The following PEAK1 variants were observed in gnomAD, a reference collection of about 807,000 sequenced individuals.
PEAK1 encodes the protein pseudopodium enriched atypical kinase 1.
A neutral mutation model predicts 124.7 loss-of-function variants in PEAK1; 54 were observed. That is an observed-to-expected ratio of 0.43 (90% CI 0.35 to 0.54). The LOEUF (loss-of-function observed/expected upper bound fraction) is 0.54, where lower values mean the gene tolerates loss of function less well. Among genes scored for constraint, PEAK1 ranks in the 20% least tolerant of loss-of-function variants. The pLI, the probability that PEAK1 is intolerant of heterozygous loss-of-function variation, is 0.01. For missense variants in PEAK1, 2,046 were observed against 2,134.5 expected, an observed-to-expected ratio of 0.96 and a Z score of 0.82; for synonymous variants, 719 against 760.0, an observed-to-expected ratio of 0.95 and a Z score of 0.89.
At chr15:77,398,408 C>G (rs1011048298) in intron 1 of PEAK1, among the ~76,000 whole-genome samples, 1 of 152,086 alleles carries the variant, frequency 6.6e-6, no homozygotes, top group South Asian at 2.1e-4. Flanking sequence ...TTAAAAAGAC[C>G]ATTCATCATG....
intron 6 of PEAK1, among the ~76,000 whole-genome samples, chr15:77,226,055 ATATAT>A (rs1271186160): frequency 8.1e-5 from 2 of 24,596 alleles, no homozygotes; most frequent in East Asian, 1.0e-3. Flanking sequence ...ATATATATAT[ATATAT>A]ATATATATAT....
chr15:77,381,399 T>C lies in PEAK1; in HGVS notation c.-665-16174A>G, dbSNP rs533067230. ...CTGTGAATAGCCACTGCACTTCAGT[T>C]TGGGCAACATAGTGAGACCCTGTCT... On this transcript the variant is annotated intron_variant, in intron 1 of 9. Coordinates refer to ENST00000682557, the MANE Select transcript of PEAK1 (RefSeq NM_001385026.1). 35 of 861,948 alleles carry C rather than the reference T, an allele frequency of 4.1e-5. No individual in the cohort carries two copies. The South Asian group carries it at 1.6e-3, about 39-fold the overall frequency. 53.4% of individuals were successfully genotyped at this position (861,948 alleles called of 1,614,324 possible).
intron 2 of PEAK1, among the ~76,000 whole-genome samples, chr15:77,321,463 GAA>G (rs2065212215): frequency 6.6e-6 from 1 of 152,166 alleles, no homozygotes; most frequent in South Asian, 2.1e-4. Context: ...GTCTTCTTTT[GAA>G]AAGTGTCTGT....
At position 77,365,151 on chromosome 15, in the gene PEAK1, A is replaced by G. The variant is rs965455137; in HGVS notation, c.-603+12T>C. The G allele has an allele frequency of 7.5e-6, 7 of 934,538 alleles. No homozygotes were observed. Among genetic ancestry groups the G allele is most frequent in the Non-Finnish European group, 8.9e-6 (7 of 783,788 alleles). 57.9% of individuals were successfully genotyped at this position (934,538 alleles called of 1,614,324 possible). A position where few individuals can be genotyped will look rare whatever the true frequency, so the allele number is the denominator to read the frequency against. The stretch of plus-strand genomic sequence containing the variant: ...TATATTAAAAGGCAAATGAATTCAT[A>G]AATTATCTCACCTTTGGTTTTTAGA... On this transcript the variant is annotated intron_variant, in intron 2 of 9. Coordinates refer to ENST00000682557, the MANE Select transcript of PEAK1 (RefSeq NM_001385026.1).
chr15:77,383,057 C>G lies in PEAK1; in HGVS notation c.-665-17832G>C, dbSNP rs2069616235. On this transcript the variant is annotated intron_variant, in intron 1 of 9. Transcript: ENST00000682557. ...TTTTTTTTTGACACGAAGTCTTGCT[C>G]TATTGCCCAGGCTGGAGCGTAAGTG... Among the ~76,000 whole-genome samples, 3 of 129,622 alleles carry G rather than the reference C, an allele frequency of 2.3e-5. No individual in the cohort carries two copies. In the South Asian group the frequency reaches 7.5e-4, roughly 32 times the overall value. The allele number at this position is 129,622 out of a possible 152,430, so 85.0% of individuals were successfully genotyped here.
At chr15:77,140,738 CT>C (rs567817216) in intron 8 of PEAK1, among the ~76,000 whole-genome samples, 228 of 144,092 alleles carry the variant, frequency 1.6e-3, no homozygotes, top group Non-Finnish European at 1.4e-3. Flanking sequence ...TTCTTTGTGT[CT>C]TTTTTTTTTT....
At chr15:77,334,379 A>C in intron 2 of PEAK1, 1 of 985,338 alleles carries the variant, frequency 1.0e-6, no homozygotes, top group Non-Finnish European at 1.2e-6. Context: ...TTATTATTCC[A>C]GGAAGAAGAA....
downstream of PEAK1, chr15:77,104,036 C>T (rs1352435607): frequency 1.3e-5 from 2 of 152,368 alleles, no homozygotes; most frequent in African/African-American, 4.8e-5. Flanking sequence ...ACCCATAGGC[C>T]TGGGCCTATC....
At chr15:77,278,883 A>C in intron 5 of PEAK1, 1 of 270,584 alleles carries the variant, frequency 3.7e-6, no homozygotes. Context: ...CCCAGGCTGG[A>C]GTGCAATGGC....
At position 77,114,803 on chromosome 15, in the gene PEAK1, T is replaced by G. The variant is rs1376237720; in HGVS notation, c.4594A>C (p.Thr1532Pro). 1.2e-6 allele frequency: 2 copies of G among 1,612,632 alleles called. No homozygotes were observed. The highest frequency in any genetic ancestry group is 1.7e-6 in the Non-Finnish European group (2 of 1,179,876). ...LLLVHYQPGGTAQGFGPAEPS... is the reference protein window; with the variant it reads ...LLLVHYQPGGPAQGFGPAEPS... The stretch of plus-strand genomic sequence containing the variant: ...TCTGCAGGCCCAAAGCCTTGGGCAG[T>G]CCCCCCAGGCTGGTAGTGGACAAGT... Residue 1532 changes from threonine (T) to proline (P), a missense_variant, in exon 10 of 10, where the codon ACT becomes CCT. Thr to Pro is a conservative substitution (Grantham distance 38). Coordinates refer to ENST00000682557, the MANE Select transcript of PEAK1 (RefSeq NM_001385026.1).
chr15:77,188,787 T>C (rs763634080), intron 6 of PEAK1, among the ~76,000 whole-genome samples: 3 of 152,198 alleles, frequency 2.0e-5, no homozygotes, highest in Non-Finnish European at 2.9e-5. Context: ...TAAGTGTTTT[T>C]CCTCTCTATA....
At chr15:77,280,474 G>A (rs754306883) in intron 5 of PEAK1, among the ~76,000 whole-genome samples, 16 of 151,698 alleles carry the variant, frequency 1.1e-4, no homozygotes, top group Non-Finnish European at 1.3e-4. Flanking sequence ...TCTAGTCTTA[G>A]TTCTGTTACC....
At chr15:77,253,248 G>GGA (rs530500537) in intron 5 of PEAK1, among the ~76,000 whole-genome samples, 3 of 150,298 alleles carry the variant, frequency 2.0e-5, no homozygotes, top group African/African-American at 4.9e-5. Flanking sequence ...TATGCGTTGG[G>GGA]GGGGGGGTGG....
intron 2 of PEAK1, chr15:77,346,378 A>G (rs1428013176): frequency 2.7e-5 from 27 of 984,704 alleles, no homozygotes; most frequent in Non-Finnish European, 2.4e-6. Context: ...ATAATCCCAG[A>G]CAGAAAAATG....
At position 77,180,609 on chromosome 15, in the gene PEAK1, A is replaced by T; in HGVS notation, c.1318T>A (p.Ser440Thr). 1 of 1,614,090 alleles carries T rather than the reference A, an allele frequency of 6.2e-7. No homozygotes were observed. The highest frequency in any genetic ancestry group is 8.5e-7 in the Non-Finnish European group (1 of 1,180,008). ...VQTEKEESKASTDVAGQAVTI... is the reference protein window; with the variant it reads ...VQTEKEESKATTDVAGQAVTI... The stretch of plus-strand genomic sequence containing the variant: ...ACTGCTTGCCCAGCAACATCTGTAG[A>T]GGCTTTACTTTCTTCCTTCTCAGTT... Residue 440 changes from serine to threonine, a missense_variant, in exon 7 of 10, where the codon TCT becomes ACT. Ser to Thr is a moderately conservative substitution (Grantham distance 58). Transcript: ENST00000682557.
At chr15:77,163,911 T>A (rs1042816248) in intron 7 of PEAK1, among the ~76,000 whole-genome samples, 6 of 152,182 alleles carry the variant, frequency 3.9e-5, no homozygotes, top group African/African-American at 1.4e-4. Context: ...AAACAAAACG[T>A]CATCGTTTTG....
chr15:77,370,983 T>C (rs1050914185), intron 1 of PEAK1: 2 of 676,636 alleles, frequency 3.0e-6, no homozygotes. Flanking sequence ...TGAGCTGAGA[T>C]TGCGCCACTG....
rs556547721 is a variant in PEAK1, at chr15:77,199,188, C to G, written c.-114-17148G>C. On this transcript the variant is annotated intron_variant, in intron 6 of 9. Coordinates refer to ENST00000682557, the MANE Select transcript of PEAK1 (RefSeq NM_001385026.1). Reference sequence around the variant, plus strand: ...ACAGCAAGAAGGTCTGAATGAGAACCCTTTTTCCAGATTGGTTCCATCAAT... The same window carrying G: ...ACAGCAAGAAGGTCTGAATGAGAACGCTTTTTCCAGATTGGTTCCATCAAT... Among the ~76,000 whole-genome samples the G allele has an allele frequency of 4.6e-5, 7 of 152,274 alleles. No homozygotes were observed. The East Asian group carries it at 1.2e-3, about 25-fold the overall frequency.
chr15:77,258,551 T>C, intron 5 of PEAK1, among the ~76,000 whole-genome samples: 1 of 152,204 alleles, frequency 6.6e-6, no homozygotes, highest in Non-Finnish European at 1.5e-5. Flanking sequence ...TGTATAAGAA[T>C]GCTTGTGATT....
Sources: allele counts gnomAD v4.1 joint callset (sites outside exome capture counted in the v4.1 genomes callset), GRCh38; gene constraint gnomAD v4.1.1; transcripts MANE v1.5; gene names NCBI Gene and HGNC (gene_info 2026-07-23, HGNC 2026-07-21).